Variants in FRMPD1 observed in about 807,000 individuals in gnomAD.
The protein encoded by FRMPD1 is FERM and PDZ domain containing 1.
FRMPD1 carries 76 observed loss-of-function variants against 117.8 expected under a neutral mutation model. The observed-to-expected ratio is 0.65, with a 90% CI of 0.54 to 0.78. FRMPD1 has a LOEUF of 0.78. Among genes scored for constraint, FRMPD1 ranks in the 30% least tolerant of loss-of-function variants. The probability of loss-of-function intolerance (pLI) is 0.00; values close to 1 mark genes in which losing one functional copy is unlikely to be tolerated. For synonymous variants in FRMPD1, 783 were observed against 770.4 expected, an observed-to-expected ratio of 1.02 and a Z score of -0.27; for missense variants, 1,786 against 1,964.5, an observed-to-expected ratio of 0.91 and a Z score of 1.72.
At chr9:37,719,219 C>G in intron 6 of FRMPD1, 43 bp downstream of exon 6, 5 of 1,236,874 alleles carry the variant, frequency 4.0e-6, no homozygotes, top group Non-Finnish European at 6.0e-6. Context: ...AGCTGGCGAG[C>G]TGCCTTCTGG....
At chr9:37,692,380 A>C (rs556113537) in intron 1 of FRMPD1, among the ~76,000 whole-genome samples, 1 of 152,110 alleles carries the variant, frequency 6.6e-6, no homozygotes, top group Non-Finnish European at 1.5e-5. Flanking sequence ...AACGTTATCT[A>C]TTTTACTCTC....
chr9:37,609,413 G>A, the FRMPD1 span, among the ~76,000 whole-genome samples: 5 of 151,912 alleles, frequency 3.3e-5, no homozygotes, highest in Non-Finnish European at 5.9e-5. Context: ...CTCAGGTAGC[G>A]GCAAGTCCAG....
intron 1 of FRMPD1, among the ~76,000 whole-genome samples, chr9:37,688,256 A>G (rs1429519297): frequency 6.6e-6 from 1 of 150,878 alleles, no homozygotes; most frequent in Non-Finnish European, 1.5e-5. Context: ...ATTTAAGCCA[A>G]TAATTGAATG....
At chr9:37,646,459 G>A (rs1824142293), upstream of FRMPD1, among the ~76,000 whole-genome samples, 1 of 152,226 alleles carries the variant, frequency 6.6e-6, no homozygotes, top group African/African-American at 2.4e-5. Context: ...CTTGGTGGCA[G>A]AGCACTCCTA....
At chr9:37,610,777 TC>T in the FRMPD1 span, among the ~76,000 whole-genome samples, 2 of 152,006 alleles carry the variant, frequency 1.3e-5, no homozygotes, top group Non-Finnish European at 2.9e-5. Flanking sequence ...TGGTTTTTTT[TC>T]TTTTAGCAGA....
upstream of FRMPD1, among the ~76,000 whole-genome samples, chr9:37,650,761 G>A (rs1424685710): frequency 6.6e-6 from 1 of 151,784 alleles, no homozygotes; most frequent in Non-Finnish European, 1.5e-5. Flanking sequence ...CCGGGTGGGA[G>A]CGGGACCGCC....
chr9:37,676,660 A>G (rs934726243), intron 1 of FRMPD1, among the ~76,000 whole-genome samples: 20 of 152,314 alleles, frequency 1.3e-4, no homozygotes, highest in Admixed American at 1.2e-3. Context: ...TAAGACAGCC[A>G]GAGTGGCCCG....
the FRMPD1 span, among the ~76,000 whole-genome samples, chr9:37,615,977 T>C: frequency 6.6e-6 from 1 of 151,848 alleles, no homozygotes; most frequent in Non-Finnish European, 1.5e-5. Flanking sequence ...CATGCCCAGC[T>C]TGTTTTTTTG....
intron 5 of FRMPD1, among the ~76,000 whole-genome samples, chr9:37,718,489 C>G (rs1823247458): frequency 6.6e-6 from 1 of 152,212 alleles, no homozygotes; most frequent in African/African-American, 2.4e-5. Flanking sequence ...TCACCATATA[C>G]TCATACCAAC....
chr9:37,649,557 G>A (rs1043023031), upstream of FRMPD1, among the ~76,000 whole-genome samples: 2 of 152,132 alleles, frequency 1.3e-5, no homozygotes, highest in African/African-American at 4.8e-5. Flanking sequence ...GTTTCTGGAT[G>A]GACTCCTGGA....
the FRMPD1 span, among the ~76,000 whole-genome samples, chr9:37,619,763 A>G: frequency 6.6e-6 from 1 of 151,860 alleles, no homozygotes; most frequent in Non-Finnish European, 1.5e-5. Context: ...AGCTCAGAAA[A>G]AAAAAAAAAA....
At position 37,733,498 on chromosome 9, in the gene FRMPD1, A is replaced by G. The variant is rs1823984575; in HGVS notation, c.1021A>G (p.Ile341Val). Residue 341 changes from isoleucine to valine, a missense_variant, in exon 11 of 16, where the codon ATA (isoleucine) becomes GTA (valine). Transcript: ENST00000377765. ...IEKDWGIENF[I>V]SPTLLRNMKG... ...GAAAGACTGGGGAATAGAGAACTTTATATCTCCAACTTTACTCCGAAACAT... is the reference window on the plus strand; with the variant it reads ...GAAAGACTGGGGAATAGAGAACTTTGTATCTCCAACTTTACTCCGAAACAT... The G allele has an allele frequency of 1.2e-6, 2 of 1,613,844 alleles. No homozygotes were observed. The highest frequency in any genetic ancestry group is 1.7e-6 in the Non-Finnish European group (2 of 1,179,792).
intron 2 of FRMPD1, among the ~76,000 whole-genome samples, chr9:37,701,484 TGTGTGCGC>T (rs753356798): frequency 5.2e-5 from 6 of 114,790 alleles, no homozygotes; most frequent in Non-Finnish European, 1.0e-4. Context: ...TGTGTGTGTG[TGTGTGCGC>T]GCGTGTGTGT....
the FRMPD1 span, among the ~76,000 whole-genome samples, chr9:37,609,100 G>A: frequency 2.0e-5 from 3 of 152,000 alleles, no homozygotes; most frequent in African/African-American, 7.3e-5. Flanking sequence ...AGACCAGCCT[G>A]ACCAACATGG....
the FRMPD1 span, among the ~76,000 whole-genome samples, chr9:37,633,029 A>ATC: frequency 1.4e-5 from 1 of 68,976 alleles, no homozygotes. Flanking sequence ...ATATATATAT[A>ATC]TATTTTTCTT....
chr9:37,746,182 C>T lies in FRMPD1; in HGVS notation c.4150C>T (p.Arg1384Ter), dbSNP rs201797937. The T allele has an allele frequency of 8.1e-6, 13 of 1,613,404 alleles. No homozygotes were observed. Among genetic ancestry groups the T allele is most frequent in the East Asian group, 2.2e-5 (1 of 44,884 alleles). The change falls in exon 16 of 16, where the codon CGA becomes TGA. Residue 1384 changes from arginine (R) to a stop codon, truncating the protein, a stop_gained. Transcript: ENST00000377765. LOFTEE classifies it high-confidence loss of function. The part of the protein sequence containing the change: ...SPVVLPWRPA[R>*]AHSCTTAPLS... ...GGTGGTTCTGCCCTGGAGGCCTGCC[C>T]GAGCCCACAGCTGCACCACCGCACC...
the FRMPD1 span, among the ~76,000 whole-genome samples, chr9:37,631,898 C>G: frequency 6.6e-6 from 1 of 152,136 alleles, no homozygotes; most frequent in Non-Finnish European, 1.5e-5. Context: ...AGCCACTGTG[C>G]CTGGCCTCCA....
upstream of FRMPD1, among the ~76,000 whole-genome samples, chr9:37,650,508 G>T (rs1820634976): frequency 6.6e-6 from 1 of 152,196 alleles, no homozygotes; most frequent in Admixed American, 6.5e-5. Flanking sequence ...CACCTGCGGG[G>T]CGTGGGGGTC....
intron 7 of FRMPD1, 52 bp from the exon 8 acceptor site, chr9:37,729,676 G>A: frequency 6.3e-7 from 1 of 1,586,190 alleles, no homozygotes; most frequent in Non-Finnish European, 8.6e-7. Flanking sequence ...GGAAGGCCAG[G>A]GAAGTCCTTC....
Sources: gnomAD v4.1 joint callset for allele counts (sites outside exome capture counted in the v4.1 genomes callset) on GRCh38, gnomAD v4.1.1 for gene constraint, MANE v1.5 for transcripts, NCBI Gene and HGNC (gene_info 2026-07-23, HGNC 2026-07-21) for gene names.